FMN1: variants seen among roughly 807,000 people sequenced by gnomAD.
FMN1 encodes the protein formin 1.
In FMN1, 110 loss-of-function variants were observed where a neutral mutation model predicts 132.4. The observed-to-expected ratio is 0.83, with a 90% CI of 0.71 to 0.97. The LOEUF (loss-of-function observed/expected upper bound fraction) is 0.97. Ranked by LOEUF, FMN1 falls within the 50% of genes least tolerant of loss-of-function variation. FMN1 has a pLI of 0.00. For missense variants in FMN1, 1,792 were observed against 1,705.3 expected (o/e 1.05, Z -0.90); for synonymous variants, 722 against 651.7 (o/e 1.11, Z -1.64).
At chr15:33,024,392 G>A (rs967429391) in intron 6 of FMN1, among the ~76,000 whole-genome samples, 35 of 151,898 alleles carry the variant, frequency 2.3e-4, no homozygotes, top group Admixed American at 1.7e-3. Flanking sequence ...GACTACAGGC[G>A]TCCGCCACCA....
chr15:32,981,335 C>T (rs913698368), intron 7 of FMN1, among the ~76,000 whole-genome samples: 36 of 151,412 alleles, frequency 2.4e-4, no homozygotes, highest in Non-Finnish European at 4.0e-4. Flanking sequence ...ACTAAAAATA[C>T]GAAAAAAATT....
intron 4 of FMN1, among the ~76,000 whole-genome samples, chr15:33,101,701 G>A (rs891073496): frequency 2.6e-5 from 4 of 152,078 alleles, no homozygotes; most frequent in South Asian, 4.1e-4. Flanking sequence ...GAGACTTTAT[G>A]TCATTGTTTT....
At chr15:33,014,565 T>C (rs1294488942) in intron 6 of FMN1, among the ~76,000 whole-genome samples, 6 of 152,184 alleles carry the variant, frequency 3.9e-5, no homozygotes, top group Admixed American at 2.6e-4. Flanking sequence ...GAACGTCTTT[T>C]TGAAAACAAT....
intron 4 of FMN1, among the ~76,000 whole-genome samples, chr15:33,124,945 G>C: frequency 6.6e-6 from 1 of 151,812 alleles, no homozygotes; most frequent in East Asian, 1.9e-4. Context: ...CCTCCACTGA[G>C]GTTTTGATTT....
intron 17 of FMN1, among the ~76,000 whole-genome samples, chr15:32,806,127 A>G (rs1395745362): frequency 6.6e-6 from 1 of 152,234 alleles, no homozygotes; most frequent in African/African-American, 2.4e-5. Flanking sequence ...GTAACATGTT[A>G]TTATGTAACA....
intron 3 of FMN1, among the ~76,000 whole-genome samples, chr15:33,155,749 C>T (rs1400304020): frequency 6.6e-6 from 1 of 152,084 alleles, no homozygotes; most frequent in East Asian, 1.9e-4. Flanking sequence ...AGAGGAACAG[C>T]AAAAAATCTA....
At chr15:32,959,586 G>A (rs573039879) in intron 9 of FMN1, among the ~76,000 whole-genome samples, 25 of 152,154 alleles carry the variant, frequency 1.6e-4, no homozygotes, top group Non-Finnish European at 3.2e-4. Context: ...ACAAGTGCAC[G>A]GATTCCATGG....
intron 7 of FMN1, among the ~76,000 whole-genome samples, chr15:32,991,701 T>A (rs1314839073): frequency 1.3e-5 from 2 of 152,194 alleles, no homozygotes; most frequent in African/African-American, 4.8e-5. Context: ...GAAAATTTTA[T>A]GGTCCTTCCG....
rs1301129298 is a variant in FMN1, at chr15:32,771,613, G to A, written c.*2697C>T. On this transcript the variant is annotated 3_prime_UTR_variant, in exon 21 of 21. Coordinates refer to ENST00000616417, the MANE Select transcript of FMN1 (RefSeq NM_001277313.2). The stretch of plus-strand genomic sequence containing the variant: ...CTAAGTCAGGTGTGTCTGGTTAGAT[G>A]CAGCATAGCAAACTGGTTACTCTCC... 2 of 152,142 alleles carry A rather than the reference G, an allele frequency of 1.3e-5. No homozygotes were observed. Among genetic ancestry groups the A allele is most frequent in the Admixed American group, 1.3e-4 (2 of 15,288 alleles). 9.4% of individuals were successfully genotyped at this position (152,142 alleles called of 1,614,324 possible).
At chr15:33,027,493 T>C (rs539013299) in intron 6 of FMN1, among the ~76,000 whole-genome samples, 2 of 152,322 alleles carry the variant, frequency 1.3e-5, no homozygotes, top group Admixed American at 6.5e-5. Context: ...AATTGGGGAC[T>C]ACATTTGCAC....
At chr15:33,017,958 G>A (rs572397421) in intron 6 of FMN1, among the ~76,000 whole-genome samples, 3 of 152,136 alleles carry the variant, frequency 2.0e-5, no homozygotes, top group South Asian at 2.1e-4. Context: ...CCAGCTACTC[G>A]GGGGGCAGAG....
chr15:33,171,270 A>G (rs1965311974), intron 3 of FMN1, among the ~76,000 whole-genome samples: 2 of 152,226 alleles, frequency 1.3e-5, no homozygotes, highest in Admixed American at 1.3e-4. Context: ...CAAACATACA[A>G]ATAGAAGAAA....
intron 4 of FMN1, 62 bp from the exon 5 acceptor site, chr15:33,089,036 C>T: frequency 1.4e-6 from 2 of 1,406,824 alleles, no homozygotes; most frequent in South Asian, 1.4e-5. Context: ...TAAATAAAGC[C>T]ATATTTGGGG....
intron 18 of FMN1, among the ~76,000 whole-genome samples, chr15:32,799,970 T>C (rs2057421563): frequency 1.3e-5 from 2 of 152,124 alleles, no homozygotes; most frequent in Non-Finnish European, 2.9e-5. Flanking sequence ...TCAGACACAG[T>C]GGTTTTTTTT....
At chr15:32,844,844 T>C (rs1468177026) in intron 17 of FMN1, among the ~76,000 whole-genome samples, 1 of 152,226 alleles carries the variant, frequency 6.6e-6, no homozygotes, top group East Asian at 1.9e-4. Context: ...CAAAATCACG[T>C]AACAACAGCA....
In FMN1 at chr15:33,154,057, G is replaced by C. The variant is rs28377066; in HGVS notation, c.858C>G (p.Ser286Arg). Reference sequence around the variant, plus strand: ...AACCTGTTTGCTGATGCTCCAGCCCGCTCGGCGGCCTCCGAATGCCATCCC... The same window carrying C: ...AACCTGTTTGCTGATGCTCCAGCCCCCTCGGCGGCCTCCGAATGCCATCCC... The part of the protein sequence containing the change: ...AGGDGIRRPP[S>R]GLEHQQTGLS... The change falls in exon 4 of 21, where the codon AGC becomes AGG. Residue 286 changes from serine (S) to arginine (R), a missense_variant. Transcript: ENST00000616417. The C allele has an allele frequency of 1.9e-5, 29 of 1,535,796 alleles. No individual in the cohort carries two copies. The highest frequency in any genetic ancestry group is 2.4e-5 in the Non-Finnish European group (28 of 1,146,894).
intron 10 of FMN1, among the ~76,000 whole-genome samples, chr15:32,911,687 CA>C: frequency 6.6e-6 from 1 of 152,086 alleles, no homozygotes; most frequent in Non-Finnish European, 1.5e-5. Flanking sequence ...CTTTGCAGGC[CA>C]CCTTCTCAAA....
intron 16 of FMN1, among the ~76,000 whole-genome samples, chr15:32,857,983 T>G (rs1321199410): frequency 6.6e-6 from 1 of 152,232 alleles, no homozygotes; most frequent in African/African-American, 2.4e-5. Context: ...AAGATCACTT[T>G]CATCTGTTGA....
intron 8 of FMN1, 118 bp downstream of exon 8, chr15:32,968,596 G>A: frequency 2.1e-6 from 3 of 1,454,184 alleles, no homozygotes; most frequent in South Asian, 1.4e-5. Context: ...AGCATTCACT[G>A]TATCACACTT....
Sources: gnomAD v4.1 joint callset for allele counts (sites outside exome capture counted in the v4.1 genomes callset) on GRCh38, gnomAD v4.1.1 for gene constraint, MANE v1.5 for transcripts, NCBI Gene and HGNC (gene_info 2026-07-23, HGNC 2026-07-21) for gene names.